The following ARHGAP40 variants were observed in gnomAD, a reference collection of about 807,000 sequenced individuals.
The protein encoded by ARHGAP40 is Rho GTPase activating protein 40, also known as rho GTPase-activating protein 40.
A neutral mutation model predicts 73.5 loss-of-function variants in ARHGAP40; 43 were observed. The observed-to-expected ratio is 0.58, with a 90% CI of 0.46 to 0.75. ARHGAP40 has a LOEUF of 0.75. ARHGAP40 is among the 30% of genes least tolerant of loss of function. The probability of loss-of-function intolerance (pLI) is 0.00; values close to 1 mark genes in which losing one functional copy is unlikely to be tolerated. For synonymous variants in ARHGAP40, 300 were observed against 352.8 expected (o/e 0.85, Z 1.68); for missense variants, 734 against 861.8 (o/e 0.85, Z 1.86).
chr20:38,641,386 T>C (rs6026989), intron 9 of ARHGAP40, among the ~76,000 whole-genome samples: 2,581 of 152,326 alleles, frequency 0.017, 73 homozygotes, highest in African/African-American at 0.057. Context: ...CATTGAGCTC[T>C]CTGTCTCCCT....
chr20:38,625,576 A>G (rs1236041333), intron 2 of ARHGAP40, among the ~76,000 whole-genome samples: 1 of 151,634 alleles, frequency 6.6e-6, no homozygotes. Context: ...TCACCACCAC[A>G]CCCGTCTAAT....
At chr20:38,627,638 T>C (rs932604568) in intron 3 of ARHGAP40, among the ~76,000 whole-genome samples, 3 of 140,954 alleles carry the variant, frequency 2.1e-5, no homozygotes, top group Admixed American at 7.1e-5. Flanking sequence ...TGTTGGGGTG[T>C]GTGTGGGGTG....
exon 1 of ARHGAP40, chr20:38,601,846 C>CG: frequency 8.0e-7 from 1 of 1,249,552 alleles, no homozygotes; most frequent in Admixed American, 2.4e-5. Context: ...GGGTGCGCCA[C>CG]GGGGGCCCTA....
intron 10 of ARHGAP40, among the ~76,000 whole-genome samples, chr20:38,642,889 C>T (rs1163675242): frequency 6.6e-6 from 1 of 152,112 alleles, no homozygotes; most frequent in Non-Finnish European, 1.5e-5. Flanking sequence ...TCCTGTAATC[C>T]CTGCACTTTG....
In ARHGAP40 at chr20:38,604,646, A is replaced by G. The variant is rs544644536; in HGVS notation, c.137+2567A>G. Among the ~76,000 whole-genome samples, 8 of 152,206 alleles carry G rather than the reference A, an allele frequency of 5.3e-5. No homozygotes were observed. In the South Asian group the frequency reaches 1.7e-3, roughly 32 times the overall value. ...CCTGAGCTCATGATCCACCCGCCTT[A>G]GCCTCCCAAAGTGCTGGGATTACAA... On this transcript the variant is annotated intron_variant, in intron 1 of 14. Transcript: ENST00000373345.
At chr20:38,627,135 A>C (rs1471471654) in exon 3 of ARHGAP40, 2 of 1,305,424 alleles carry the variant, frequency 1.5e-6, no homozygotes, top group African/African-American at 1.5e-5. Flanking sequence ...CCGGCTGGAC[A>C]TCTATGCTCG....
intron 13 of ARHGAP40, among the ~76,000 whole-genome samples, chr20:38,648,280 T>C (rs964093111): frequency 3.3e-5 from 5 of 152,268 alleles, no homozygotes; most frequent in African/African-American, 1.2e-4. Context: ...ACAATGTCCA[T>C]AATCCATCTT....
chr20:38,639,100 C>T (rs2088996502), intron 8 of ARHGAP40, 127 bp from the exon 9 acceptor site: 3 of 1,020,452 alleles, frequency 2.9e-6, no homozygotes, highest in South Asian at 1.5e-5. Context: ...CTTACTTCAA[C>T]CCCACGAGGG....
chr20:38,621,170 C>T (rs1165295142), intron 1 of ARHGAP40, among the ~76,000 whole-genome samples: 1 of 152,084 alleles, frequency 6.6e-6, no homozygotes, highest in Non-Finnish European at 1.5e-5. Context: ...GGGATGGGAT[C>T]CCACAAGATG....
chr20:38,648,643 C>G, exon 14 of ARHGAP40: 1 of 1,305,190 alleles, frequency 7.7e-7, no homozygotes. Context: ...TGTTTTACAG[C>G]CATAGGTCCA....
At position 38,646,161 on chromosome 20, in the gene ARHGAP40, G is replaced by A. The variant is rs771021935; in HGVS notation, c.1684G>A (p.Asp562Asn). The A allele has an allele frequency of 9.1e-5, 119 of 1,303,484 alleles. No individual in the cohort carries two copies. The highest frequency in any genetic ancestry group is 1.2e-4 in the Non-Finnish European group (115 of 988,484). 80.7% of individuals were successfully genotyped at this position (1,303,484 alleles called of 1,614,324 possible). A position where few individuals can be genotyped will look rare whatever the true frequency, so the allele number is the denominator to read the frequency against. Residue 562 changes from aspartate (D) to asparagine (N), a missense_variant, in exon 12 of 15, where the codon GAC (aspartate) becomes AAC (asparagine). Asp to Asn is a conservative substitution (Grantham distance 23). Coordinates refer to ENST00000373345, the Ensembl canonical transcript of ARHGAP40. The surrounding 1 kb of genome is among the most constrained non-coding windows in gnomAD (Gnocchi z 4.5). ...GCTGCGGAGGATGCACGCAGACAGG[G>A]ACAAGGCGGGGGACGGCCTCGAGGC...
Position 38,607,325 on chromosome 20 carries a change from C to T in ARHGAP40, c.137+5246C>T, listed in dbSNP as rs1032370862. Among the ~76,000 whole-genome samples the T allele has an allele frequency of 2.6e-5, 4 of 152,184 alleles. No homozygotes were observed. In the East Asian group the frequency reaches 7.7e-4, roughly 29 times the overall value. On this transcript the variant is annotated intron_variant, in intron 1 of 14. Coordinates refer to ENST00000373345, the Ensembl canonical transcript of ARHGAP40. ...TCAGTGCCATTCAGATAGTGGCTGCCGTTCACACTCACACATCCTCCTGGT... is the reference window on the plus strand; with the variant it reads ...TCAGTGCCATTCAGATAGTGGCTGCTGTTCACACTCACACATCCTCCTGGT...
chr20:38,637,424 C>T (rs902726329), intron 6 of ARHGAP40, among the ~76,000 whole-genome samples: 2 of 152,224 alleles, frequency 1.3e-5, no homozygotes, highest in Non-Finnish European at 2.9e-5. Context: ...GCTGGGATTA[C>T]AGGCTTGAGC....
At chr20:38,623,894 A>G (rs1365384638) in intron 2 of ARHGAP40, among the ~76,000 whole-genome samples, 1 of 152,194 alleles carries the variant, frequency 6.6e-6, no homozygotes, top group Non-Finnish European at 1.5e-5. Context: ...TCTCCTATAT[A>G]CAGACCTAAT....
intron 7 of ARHGAP40, among the ~76,000 whole-genome samples, chr20:38,638,559 T>C (rs2088992630): frequency 1.3e-5 from 2 of 152,174 alleles, no homozygotes; most frequent in South Asian, 2.1e-4. Flanking sequence ...CCTCCTCTTA[T>C]CAATGATTAA....
rs2089051735 is a variant in ARHGAP40 at position 38,646,178 on chromosome 20, C to T, written c.1701C>T (p.Gly567=). ...CAGACAGGGACAAGGCGGGGGACGGCCTCGAGGCGGTGAGTGCCCCCGACC... is the reference window on the plus strand; with the variant it reads ...CAGACAGGGACAAGGCGGGGGACGGTCTCGAGGCGGTGAGTGCCCCCGACC... Residue 567 remains glycine, a synonymous_variant, in exon 12 of 15, where the codon GGC becomes GGT. Coordinates refer to ENST00000373345, the Ensembl canonical transcript of ARHGAP40. The surrounding 1 kb of genome is among the most constrained non-coding windows in gnomAD (Gnocchi z 4.5). 7.7e-7 allele frequency: 1 copy of T among 1,301,458 alleles called. No homozygotes were observed. Among genetic ancestry groups the T allele is most frequent in the Non-Finnish European group, 1.0e-6 (1 of 987,158 alleles). The allele number at this position is 1,301,458 out of a possible 1,614,324, so 80.6% of individuals were successfully genotyped here. A position where few individuals can be genotyped will look rare whatever the true frequency, so the allele number is the denominator to read the frequency against.
In ARHGAP40 at chr20:38,602,084, A is replaced by G. The variant is rs1482665113; in HGVS notation, c.137+5A>G. On this transcript the variant is annotated splice_donor_5th_base_variant and intron_variant, in intron 1 of 14. Coordinates refer to ENST00000373345, the Ensembl canonical transcript of ARHGAP40. ...CTGGGCCGACCTGGGCTGCAGGTACAGGGGTCACGGGAGCGGGAGGGAAGT... is the reference window on the plus strand; with the variant it reads ...CTGGGCCGACCTGGGCTGCAGGTACGGGGGTCACGGGAGCGGGAGGGAAGT... The G allele has an allele frequency of 3.7e-5, 47 of 1,280,858 alleles. No individual in the cohort carries two copies. Among genetic ancestry groups the G allele is most frequent in the Non-Finnish European group, 4.6e-5 (45 of 984,336 alleles). The allele number at this position is 1,280,858 out of a possible 1,614,324, so 79.3% of individuals were successfully genotyped here. A position where few individuals can be genotyped will look rare whatever the true frequency, so the allele number is the denominator to read the frequency against.
intron 1 of ARHGAP40, among the ~76,000 whole-genome samples, chr20:38,617,350 C>T (rs571860884): frequency 2.0e-5 from 3 of 152,324 alleles, no homozygotes; most frequent in South Asian, 4.1e-4. Flanking sequence ...TGGGAAAGGC[C>T]TTTGCTCCAC....
chr20:38,649,113 C>T (rs537996580), intron 14 of ARHGAP40, among the ~76,000 whole-genome samples: 1 of 152,308 alleles, frequency 6.6e-6, no homozygotes, highest in African/African-American at 2.4e-5. Context: ...TCTGTGGGAA[C>T]CAAGGATGGG....
Sources: allele counts gnomAD v4.1 joint callset (sites outside exome capture counted in the v4.1 genomes callset), GRCh38; gene constraint gnomAD v4.1.1; non-coding constraint Gnocchi (gnomAD v3.1); transcripts MANE v1.5; gene names NCBI Gene and HGNC (gene_info 2026-07-23, HGNC 2026-07-21).